Variants in ARFGEF1 observed in about 807,000 individuals in gnomAD.
The protein encoded by ARFGEF1 is brefeldin A-inhibited guanine nucleotide-exchange protein 1.
A neutral mutation model predicts 231.0 loss-of-function variants in ARFGEF1; 42 were observed. That is an observed-to-expected ratio of 0.18 (90% CI 0.14 to 0.24). The LOEUF (loss-of-function observed/expected upper bound fraction) is 0.24, where lower values mean the gene tolerates loss of function less well. Among genes scored for constraint, ARFGEF1 ranks in the 10% least tolerant of loss-of-function variants. ARFGEF1 has a pLI of 1.00. For missense variants in ARFGEF1, 1,345 were observed against 2,192.0 expected, an observed-to-expected ratio of 0.61 and a Z score of 7.72; for synonymous variants, 710 against 732.3, an observed-to-expected ratio of 0.97 and a Z score of 0.49.
chr8:67,310,665 C>T (rs1310858620), intron 1 of ARFGEF1, among the ~76,000 whole-genome samples: 10 of 151,110 alleles, frequency 6.6e-5, no homozygotes, highest in African/African-American at 1.9e-4. Flanking sequence ...CGTCTCTGCC[C>T]GGCCGCCCAT....
chr8:67,177,652 AT>A, intron 5 of ARFGEF1: 1 of 1,556,038 alleles, frequency 6.4e-7, no homozygotes, highest in South Asian at 1.2e-5. Flanking sequence ...TGACCTTTTA[AT>A]TTGCTTTTGT....
intron 23 of ARFGEF1, among the ~76,000 whole-genome samples, chr8:67,229,890 G>C (rs1839499755): frequency 6.6e-6 from 1 of 152,012 alleles, no homozygotes; most frequent in South Asian, 2.1e-4. Flanking sequence ...AAACAGTAGA[G>C]GGGTAAAGAA....
At chr8:67,298,757 T>G (rs1424081076) in intron 4 of ARFGEF1, among the ~76,000 whole-genome samples, 1 of 152,122 alleles carries the variant, frequency 6.6e-6, no homozygotes, top group East Asian at 1.9e-4. Context: ...CTAGAAAGCA[T>G]CCAAATGACC....
intron 7 of ARFGEF1, among the ~76,000 whole-genome samples, chr8:67,284,313 C>A (rs557330322): frequency 6.6e-6 from 1 of 151,954 alleles, no homozygotes; most frequent in African/African-American, 2.4e-5. Context: ...CAGACATGTA[C>A]GCACAACCCC....
intron 14 of ARFGEF1, among the ~76,000 whole-genome samples, chr8:67,264,034 A>C (rs1804748341): frequency 6.6e-6 from 1 of 152,164 alleles, no homozygotes; most frequent in Non-Finnish European, 1.5e-5. Context: ...GTGAGACAGA[A>C]AAGTGGCAGG....
At chr8:67,187,535 A>G (rs1419731945) in intron 5 of ARFGEF1, among the ~76,000 whole-genome samples, 1 of 152,014 alleles carries the variant, frequency 6.6e-6, no homozygotes, top group Non-Finnish European at 1.5e-5. Flanking sequence ...AATATTTTAA[A>G]TTAGCCGATG....
At chr8:67,292,250 A>T in intron 5 of ARFGEF1, 127 bp from the exon 6 acceptor site, 1 of 761,322 alleles carries the variant, frequency 1.3e-6, no homozygotes, top group South Asian at 1.9e-5. Flanking sequence ...AAAGTTTATC[A>T]GAAATGGAGA....
intron 1 of ARFGEF1, among the ~76,000 whole-genome samples, chr8:67,319,187 A>G (rs1375639246): frequency 6.6e-6 from 1 of 152,236 alleles, no homozygotes; most frequent in African/African-American, 2.4e-5. Flanking sequence ...CTGCCAATCA[A>G]AATTCTAGCA....
intron 22 of ARFGEF1, among the ~76,000 whole-genome samples, chr8:67,236,349 T>TTAAAAAAAA (rs1468178393): frequency 7.2e-5 from 1 of 13,958 alleles, no homozygotes; most frequent in African/African-American, 2.4e-4. Flanking sequence ...AGATATTAGT[T>TTAAAAAAAA]AAAAAAAAAA....
chr8:67,218,625 C>T (rs1425825135), intron 30 of ARFGEF1, among the ~76,000 whole-genome samples: 5 of 150,744 alleles, frequency 3.3e-5, no homozygotes, highest in South Asian at 2.1e-4. Context: ...GGCTATACAA[C>T]GTAAGTGTAA....
intron 20 of ARFGEF1, 53 bp from the exon 21 acceptor site, chr8:67,238,946 T>C (rs1362557818): frequency 5.8e-6 from 8 of 1,381,086 alleles, no homozygotes; most frequent in Non-Finnish European, 7.9e-6. Flanking sequence ...GCAGACTGAT[T>C]AATTCCCCAC....
intron 9 of ARFGEF1, among the ~76,000 whole-genome samples, chr8:67,274,925 T>C (rs977900631): frequency 1.7e-4 from 26 of 152,082 alleles, no homozygotes; most frequent in Non-Finnish European, 3.7e-4. Flanking sequence ...ATTTCTGACT[T>C]AGGGTTTGGG....
chr8:67,342,185 G>C (rs751730568), intron 1 of ARFGEF1, among the ~76,000 whole-genome samples: 1 of 152,136 alleles, frequency 6.6e-6, no homozygotes, highest in Non-Finnish European at 1.5e-5. Context: ...TAAACATTAG[G>C]AATGTATCTT....
chr8:67,290,537 A>G (rs115184089), intron 6 of ARFGEF1, among the ~76,000 whole-genome samples: 2,466 of 152,330 alleles, frequency 0.016, 69 homozygotes, highest in African/African-American at 0.057. Flanking sequence ...TTGACTTCCA[A>G]GTATGCTAAG....
At chr8:67,273,721 T>C (rs1805197333) in intron 9 of ARFGEF1, among the ~76,000 whole-genome samples, 1 of 151,998 alleles carries the variant, frequency 6.6e-6, no homozygotes, top group Non-Finnish European at 1.5e-5. Flanking sequence ...TCTAAGAATA[T>C]ATGCAGCAAA....
At chr8:67,194,538 A>G (rs1175345255), downstream of ARFGEF1, among the ~76,000 whole-genome samples, 2 of 152,210 alleles carry the variant, frequency 1.3e-5, no homozygotes, top group Admixed American at 6.5e-5. Context: ...TTTAACAGGA[A>G]TATATTTGAG....
At chr8:67,339,458 A>T (rs1356981496) in intron 1 of ARFGEF1, among the ~76,000 whole-genome samples, 1 of 152,048 alleles carries the variant, frequency 6.6e-6, no homozygotes, top group Non-Finnish European at 1.5e-5. Context: ...CCCTAACATA[A>T]AAGAAACTCC....
intron 1 of ARFGEF1, 76 bp downstream of exon 1, chr8:67,343,088 A>ACCCCCC: frequency 2.5e-6 from 1 of 399,152 alleles, no homozygotes; most frequent in Non-Finnish European, 4.8e-6. Context: ...GCCCCGGGCG[A>ACCCCCC]CCCCACCCCC....
At chr8:67,227,385 T>C in intron 26 of ARFGEF1, 62 bp downstream of exon 26, 1 of 1,598,424 alleles carries the variant, frequency 6.3e-7, no homozygotes, top group South Asian at 1.1e-5. Flanking sequence ...CTTCTGTTTT[T>C]CTCCCTGCTG....
Sources: gnomAD v4.1 joint callset for allele counts (sites outside exome capture counted in the v4.1 genomes callset) on GRCh38, gnomAD v4.1.1 for gene constraint, MANE v1.5 for transcripts, NCBI Gene and HGNC (gene_info 2026-07-23, HGNC 2026-07-21) for gene names.